The following PLCH1 variants were observed in gnomAD, a reference collection of about 807,000 sequenced individuals.
PLCH1 encodes 1-phosphatidylinositol 4,5-bisphosphate phosphodiesterase eta-1.
A neutral mutation model predicts 126.7 loss-of-function variants in PLCH1; 60 were observed. The observed-to-expected ratio is 0.47, with a 90% CI of 0.38 to 0.59. The LOEUF is 0.59. Among genes scored for constraint, PLCH1 ranks in the 20% least tolerant of loss-of-function variants. The pLI is 0.00. For synonymous variants in PLCH1, 719 were observed against 734.9 expected (o/e 0.98, Z 0.35); for missense variants, 1,723 against 2,040.0 (o/e 0.84, Z 2.99).
chr3:155,450,970 A>G (rs1406670606), intron 21 of PLCH1, among the ~76,000 whole-genome samples: 1 of 152,200 alleles, frequency 6.6e-6, no homozygotes, highest in East Asian at 1.9e-4. Flanking sequence ...CAAACCTTAC[A>G]TACCTAACCA....
intron 21 of PLCH1, among the ~76,000 whole-genome samples, chr3:155,460,409 T>G (rs1370122087): frequency 1.3e-5 from 2 of 152,192 alleles, no homozygotes; most frequent in Non-Finnish European, 1.5e-5. Flanking sequence ...AGTATCAGAT[T>G]ATAAATGGGA....
At chr3:155,589,496 C>T (rs1486744576) in intron 4 of PLCH1, among the ~76,000 whole-genome samples, 1 of 152,014 alleles carries the variant, frequency 6.6e-6, no homozygotes, top group Non-Finnish European at 1.5e-5. Flanking sequence ...CGCAAAAATC[C>T]TCCTGGATTG....
At chr3:155,526,486 T>TCACACACACACACACACACA (rs1161518737) in intron 10 of PLCH1, among the ~76,000 whole-genome samples, 1 of 86,900 alleles carries the variant, frequency 1.2e-5, no homozygotes, top group African/African-American at 4.3e-5. Context: ...TCTCTCTCTC[T>TCACACACACACACACACACA]CATACACACA....
chr3:155,615,146 A>C (rs1424553896), intron 2 of PLCH1, among the ~76,000 whole-genome samples: 1 of 152,220 alleles, frequency 6.6e-6, no homozygotes, highest in Non-Finnish European at 1.5e-5. Context: ...CAATCCTCAA[A>C]AGAAGATATA....
rs1231320863 is a variant in PLCH1, at chr3:155,593,954, T to C, written c.457A>G (p.Arg153Gly). The C allele has an allele frequency of 2.5e-6, 4 of 1,614,144 alleles. No individual in the cohort carries two copies. Among genetic ancestry groups the C allele is most frequent in the Middle Eastern group, 3.3e-4 (2 of 6,030 alleles). The part of the protein sequence containing the change: ...SDEDSLAKRQ[R>G]THDQWVKQTF... ...TAGAAAGGATATTGGTCATGGGTCC[T>C]CTGCCTTTTGGCAAGGGAGTCTTCA... Residue 153 changes from arginine (R) to glycine (G), a missense_variant, in exon 4 of 23, where the codon AGG (arginine) becomes GGG (glycine). Arg to Gly is a moderately radical substitution (Grantham distance 125, BLOSUM62 -2). Around this residue, in one of 2 missense-constraint regions of PLCH1, gnomAD observed 776 missense variants for 1,062.9 expected, o/e 0.73. Transcript: ENST00000460012.
intron 21 of PLCH1, among the ~76,000 whole-genome samples, chr3:155,462,435 C>A (rs1162518344): frequency 6.6e-6 from 1 of 152,082 alleles, no homozygotes; most frequent in Admixed American, 6.5e-5. Flanking sequence ...CAGCTATGAC[C>A]CTGAACCAGC....
chr3:155,530,280 ATCTATTTAAGT>A (rs1722494849), intron 10 of PLCH1, among the ~76,000 whole-genome samples: 1 of 150,678 alleles, frequency 6.6e-6, no homozygotes, highest in Non-Finnish European at 1.5e-5. Context: ...GTAATTCCTC[ATCTATTTAAGT>A]TTAATCATGA....
chr3:155,601,792 T>C (rs1012307097), intron 2 of PLCH1, among the ~76,000 whole-genome samples: 2 of 152,198 alleles, frequency 1.3e-5, no homozygotes, highest in Non-Finnish European at 2.9e-5. Context: ...TACAGAGTTG[T>C]GTGACAGTCT....
At chr3:155,483,208 G>A (rs1002099541) in intron 22 of PLCH1, 157 bp from the exon 23 acceptor site, 6 of 896,242 alleles carry the variant, frequency 6.7e-6, no homozygotes, top group African/African-American at 5.0e-5. Context: ...CAAAGTGTCT[G>A]TGTGATGAAT....
At chr3:155,656,172 C>A (rs564108240) in intron 2 of PLCH1, among the ~76,000 whole-genome samples, 1 of 151,062 alleles carries the variant, frequency 6.6e-6, no homozygotes, top group East Asian at 2.0e-4. Flanking sequence ...AATTACCCCC[C>A]CCCAAATAAA....
chr3:155,522,963 C>CGGGGG (rs547629056), intron 11 of PLCH1, among the ~76,000 whole-genome samples: 43 of 42,798 alleles, frequency 1.0e-3, no homozygotes, highest in African/African-American at 2.5e-3. Context: ...TCTTTTTTTG[C>CGGGGG]GGGGGGGGTG....
At chr3:155,617,610 T>C (rs1735954189) in intron 2 of PLCH1, among the ~76,000 whole-genome samples, 1 of 152,200 alleles carries the variant, frequency 6.6e-6, no homozygotes, top group African/African-American at 2.4e-5. Flanking sequence ...TTGTGAGTAT[T>C]CTTAAATTAT....
At chr3:155,555,226 T>C (rs543100766) in intron 8 of PLCH1, among the ~76,000 whole-genome samples, 1 of 152,350 alleles carries the variant, frequency 6.6e-6, no homozygotes, top group South Asian at 2.1e-4. Context: ...TGCTAGAGCC[T>C]GGCTAATCAT....
At chr3:155,557,986 G>C (rs1312194185) in intron 8 of PLCH1, among the ~76,000 whole-genome samples, 1 of 152,102 alleles carries the variant, frequency 6.6e-6, no homozygotes, top group Non-Finnish European at 1.5e-5. Flanking sequence ...AAAATCAAGC[G>C]AATAAAAGGC....
chr3:155,624,335 C>T (rs1266880983), intron 2 of PLCH1, among the ~76,000 whole-genome samples: 4 of 152,032 alleles, frequency 2.6e-5, no homozygotes, highest in Admixed American at 1.3e-4. Context: ...CTTTGAAAAC[C>T]AGCAAAAGAC....
At chr3:155,704,774 T>G (rs1399727797) in intron 1 of PLCH1, among the ~76,000 whole-genome samples, 2 of 152,208 alleles carry the variant, frequency 1.3e-5, no homozygotes, top group East Asian at 3.8e-4. Flanking sequence ...TTTGGTTCAT[T>G]GCTGGTGTCC....
At chr3:155,735,714 G>T (rs111675747) in intron 1 of PLCH1, among the ~76,000 whole-genome samples, 7,314 of 151,550 alleles carry the variant, frequency 0.048, 619 homozygotes, top group African/African-American at 0.17. Flanking sequence ...AGTATGTGAG[G>T]TATTACATAA....
intron 10 of PLCH1, among the ~76,000 whole-genome samples, chr3:155,541,041 C>G (rs372478063): frequency 1.3e-5 from 2 of 151,984 alleles, no homozygotes; most frequent in Admixed American, 6.6e-5. Context: ...ATATATACAC[C>G]GTGGAATACT....
chr3:155,731,342 C>A (rs767089474), intron 1 of PLCH1, among the ~76,000 whole-genome samples: 3 of 152,192 alleles, frequency 2.0e-5, no homozygotes, highest in Non-Finnish European at 4.4e-5. Flanking sequence ...AGACTCAAGT[C>A]CAATTCCCAC....
Sources: allele counts gnomAD v4.1 joint callset (sites outside exome capture counted in the v4.1 genomes callset), GRCh38; gene constraint gnomAD v4.1.1; regional missense constraint gnomAD v4.1.1; transcripts MANE v1.5; gene names NCBI Gene and HGNC (gene_info 2026-07-23, HGNC 2026-07-21).